Variants in KCNMB4 observed in about 807,000 individuals in gnomAD.
The protein encoded by KCNMB4 is calcium-activated potassium channel subunit beta-4.
A neutral mutation model predicts 20.7 loss-of-function variants in KCNMB4; 3 were observed. The observed-to-expected ratio is 0.14, with a 90% CI of 0.07 to 0.37. The LOEUF is 0.37. KCNMB4 is among the 10% of genes least tolerant of loss of function. KCNMB4 has a pLI of 1.00. For missense variants in KCNMB4, 168 were observed against 265.9 expected, an observed-to-expected ratio of 0.63 and a Z score of 2.56; for synonymous variants, 110 against 113.4, an observed-to-expected ratio of 0.97 and a Z score of 0.19.
chr12:70,368,541 C>G (rs1294498598), intron 1 of KCNMB4, among the ~76,000 whole-genome samples: 3 of 151,850 alleles, frequency 2.0e-5, no homozygotes, highest in African/African-American at 7.3e-5. Context: ...GTAACTTGAT[C>G]CTCTTAATGC....
intron 1 of KCNMB4, among the ~76,000 whole-genome samples, chr12:70,395,889 T>A (rs533672115): frequency 5.7e-4 from 87 of 152,182 alleles, no homozygotes; most frequent in Non-Finnish European, 1.2e-3. Context: ...TGAAGAAATT[T>A]CTCTAAGGAA....
intron 2 of KCNMB4, among the ~76,000 whole-genome samples, chr12:70,422,166 G>A (rs1191454629): frequency 6.6e-6 from 1 of 152,162 alleles, no homozygotes; most frequent in Non-Finnish European, 1.5e-5. Flanking sequence ...TGTCTCAAAT[G>A]AAGAATGTAA....
intron 2 of KCNMB4, among the ~76,000 whole-genome samples, chr12:70,403,395 C>T (rs144088521): frequency 0.021 from 3,215 of 152,138 alleles, 64 homozygotes; most frequent in East Asian, 0.096. Context: ...TGCAGTGGCA[C>T]GATCTTGGCT....
intron 2 of KCNMB4, among the ~76,000 whole-genome samples, chr12:70,428,232 A>G (rs907194436): frequency 2.6e-5 from 4 of 152,150 alleles, no homozygotes; most frequent in African/African-American, 9.7e-5. Flanking sequence ...CATCTCAAGC[A>G]TCCTGCCCGC....
intron 2 of KCNMB4, among the ~76,000 whole-genome samples, chr12:70,424,150 A>T (rs756798839): frequency 6.6e-6 from 1 of 152,164 alleles, no homozygotes. Flanking sequence ...TATGAGTATT[A>T]GTGGTCTTTC....
At chr12:70,376,668 A>T (rs565763959) in intron 1 of KCNMB4, among the ~76,000 whole-genome samples, 91 of 151,856 alleles carry the variant, frequency 6.0e-4, no homozygotes, top group African/African-American at 2.0e-3. Flanking sequence ...GGAGTTTAAG[A>T]CCAGCCTAGG....
intron 1 of KCNMB4, among the ~76,000 whole-genome samples, chr12:70,395,677 C>T (rs568355349): frequency 3.3e-5 from 5 of 152,216 alleles, no homozygotes; most frequent in African/African-American, 1.2e-4. Context: ...GTCAGGATAG[C>T]CCACTCGGTT....
chr12:70,401,863 G>C (rs61241225), intron 2 of KCNMB4, among the ~76,000 whole-genome samples: 1 of 152,022 alleles, frequency 6.6e-6, no homozygotes, highest in Non-Finnish European at 1.5e-5. Context: ...CATTTCAAGA[G>C]AGGTAGGCCT....
intron 1 of KCNMB4, among the ~76,000 whole-genome samples, chr12:70,387,476 C>A (rs1868267588): frequency 6.8e-6 from 1 of 146,938 alleles, no homozygotes; most frequent in East Asian, 2.0e-4. Flanking sequence ...AGTCTTGGCT[C>A]ACTGCAACCT....
chr12:70,394,758 C>G (rs1417339438), intron 1 of KCNMB4, among the ~76,000 whole-genome samples: 1 of 152,150 alleles, frequency 6.6e-6, no homozygotes, highest in East Asian at 1.9e-4. Context: ...CCTTGACTTC[C>G]TGGTCTCAAG....
intron 1 of KCNMB4, among the ~76,000 whole-genome samples, chr12:70,375,270 C>T (rs982182324): frequency 1.3e-5 from 2 of 152,000 alleles, no homozygotes; most frequent in Non-Finnish European, 2.9e-5. Context: ...CTATTTCTTC[C>T]TCCAAACCGG....
chr12:70,420,360 A>G (rs962058821), intron 2 of KCNMB4, among the ~76,000 whole-genome samples: 1 of 152,198 alleles, frequency 6.6e-6, no homozygotes, highest in Non-Finnish European at 1.5e-5. Flanking sequence ...GGGAAATTAT[A>G]CTGGATTGCC....
At chr12:70,383,681 C>G (rs1449457944) in intron 1 of KCNMB4, among the ~76,000 whole-genome samples, 1 of 152,246 alleles carries the variant, frequency 6.6e-6, no homozygotes, top group South Asian at 2.1e-4. Flanking sequence ...ATTCCTTGGC[C>G]TGCAGTTGCA....
chr12:70,419,215 A>T (rs1868987388), intron 2 of KCNMB4, among the ~76,000 whole-genome samples: 1 of 152,144 alleles, frequency 6.6e-6, no homozygotes, highest in South Asian at 2.1e-4. Flanking sequence ...CAACATTTCC[A>T]TTTTCTGAGG....
chr12:70,401,171 A>G (rs1236878103), intron 2 of KCNMB4, among the ~76,000 whole-genome samples: 1 of 152,054 alleles, frequency 6.6e-6, no homozygotes, highest in Non-Finnish European at 1.5e-5. Context: ...GACTACAGGC[A>G]CACACCACCA....
chr12:70,417,468 T>G (rs1868941077), intron 2 of KCNMB4, among the ~76,000 whole-genome samples: 1 of 152,048 alleles, frequency 6.6e-6, no homozygotes, highest in Non-Finnish European at 1.5e-5. Flanking sequence ...CACATTGGGG[T>G]TGGCTGGGCT....
rs1883501443 is a variant in KCNMB4, at chr12:70,366,768, G to C, written c.34G>C (p.Glu12Gln). 1 of 1,609,508 alleles carries C rather than the reference G, an allele frequency of 6.2e-7. No individual in the cohort carries two copies. Among genetic ancestry groups the C allele is most frequent in the Non-Finnish European group, 8.5e-7 (1 of 1,179,430 alleles). Residue 12 changes from glutamate (E) to glutamine (Q), a missense_variant, in exon 1 of 3, where the codon GAA becomes CAA. Glu to Gln is a conservative substitution (Grantham distance 29). Transcript: ENST00000258111. ...AKLRVAYEYT[E>Q]AEDKSIRLGL... ...GCTCCGGGTGGCTTACGAGTACACG[G>C]AAGCCGAGGACAAGAGCATCCGGCT...
intron 2 of KCNMB4, among the ~76,000 whole-genome samples, chr12:70,419,486 T>C (rs190309391): frequency 6.6e-6 from 1 of 152,144 alleles, no homozygotes; most frequent in African/African-American, 2.4e-5. Context: ...CAAGAAGAAC[T>C]GATTAAACCA....
At chr12:70,423,273 G>A (rs1331537971) in intron 2 of KCNMB4, among the ~76,000 whole-genome samples, 5 of 152,140 alleles carry the variant, frequency 3.3e-5, no homozygotes, top group Non-Finnish European at 7.4e-5. Flanking sequence ...ATGAAGAATA[G>A]GCAAGCTTGA....
Sources: gnomAD v4.1 joint callset for allele counts (sites outside exome capture counted in the v4.1 genomes callset) on GRCh38, gnomAD v4.1.1 for gene constraint, MANE v1.5 for transcripts, NCBI Gene and HGNC (gene_info 2026-07-23, HGNC 2026-07-21) for gene names.